C1orf21: variants seen among roughly 807,000 people sequenced by gnomAD.
C1orf21 encodes the protein chromosome 1 open reading frame 21, also known as uncharacterized protein C1orf21.
C1orf21 carries 3 observed loss-of-function variants against 18.7 expected under a neutral mutation model. The ratio of observed to expected loss-of-function variants is 0.16; its 90% confidence interval spans 0.07 to 0.42. The LOEUF (loss-of-function observed/expected upper bound fraction) is 0.42. C1orf21 is among the 10% of genes least tolerant of loss of function. The pLI is 0.99. For synonymous variants in C1orf21, 41 were observed against 46.4 expected (o/e 0.88, Z 0.47); for missense variants, 104 against 143.6 (o/e 0.72, Z 1.41).
chr1:184,573,402 C>T (rs560528148), intron 3 of C1orf21, among the ~76,000 whole-genome samples: 24 of 152,286 alleles, frequency 1.6e-4, no homozygotes, highest in Admixed American at 7.2e-4. Context: ...AACATTCCTA[C>T]GCGTGATGTT....
Position 184,532,542 on chromosome 1 carries a change from T to C in C1orf21, c.189+24860T>C, listed in dbSNP as rs1658477917. Among the ~76,000 whole-genome samples the C allele has an allele frequency of 2.6e-5, 4 of 151,984 alleles. No homozygotes were observed. The South Asian group carries it at 8.3e-4, about 32-fold the overall frequency. ...GGAGGATCACTTGAGGCCAGGAGTTTGTGATCAGCCTGGGCAACATAAAAA... is the reference window on the plus strand; with the variant it reads ...GGAGGATCACTTGAGGCCAGGAGTTCGTGATCAGCCTGGGCAACATAAAAA... On this transcript the variant is annotated intron_variant, in intron 3 of 5. Coordinates refer to ENST00000235307, the MANE Select transcript of C1orf21 (RefSeq NM_030806.4).
intron 1 of C1orf21, among the ~76,000 whole-genome samples, chr1:184,475,344 C>T (rs547103948): frequency 6.6e-6 from 1 of 152,122 alleles, no homozygotes; most frequent in African/African-American, 2.4e-5. Context: ...GCCCTGCCCC[C>T]CCATCCCCAC....
intron 1 of C1orf21, among the ~76,000 whole-genome samples, chr1:184,426,923 AGGGGCTGGGT>A (rs1339467240): frequency 3.3e-5 from 5 of 152,188 alleles, no homozygotes; most frequent in African/African-American, 1.2e-4. Context: ...TCCTGTGTGC[AGGGGCTGGGT>A]ACTTAGGAGA....
intron 1 of C1orf21, among the ~76,000 whole-genome samples, chr1:184,404,328 A>G (rs1021287163): frequency 6.6e-6 from 1 of 152,144 alleles, no homozygotes; most frequent in Admixed American, 6.5e-5. Context: ...AACAACTGAG[A>G]CTGGGTAATT....
rs1202222144 is a variant in C1orf21, at chr1:184,609,150, C to T, written c.328-10368C>T. Among the ~76,000 whole-genome samples, 3 of 152,174 alleles carry T rather than the reference C, an allele frequency of 2.0e-5. No homozygotes were observed. In the East Asian group the frequency reaches 5.8e-4, roughly 29 times the overall value. Reference sequence around the variant, plus strand: ...CCTCACCTCTCCCTCTCCAGAGGCCCAGCCCATGGAACAGTGAAGGGGCAA... The same window carrying T: ...CCTCACCTCTCCCTCTCCAGAGGCCTAGCCCATGGAACAGTGAAGGGGCAA... On this transcript the variant is annotated intron_variant, in intron 5 of 5. Transcript: ENST00000235307.
intron 3 of C1orf21, among the ~76,000 whole-genome samples, chr1:184,516,680 G>T (rs1487435487): frequency 6.6e-6 from 1 of 152,190 alleles, no homozygotes; most frequent in Non-Finnish European, 1.5e-5. Context: ...ATCAGATCTT[G>T]TGAGACTTAT....
chr1:184,457,371 G>A (rs923634690), intron 1 of C1orf21, among the ~76,000 whole-genome samples: 10 of 152,154 alleles, frequency 6.6e-5, no homozygotes, highest in Admixed American at 1.3e-4. Context: ...TAGCTCTGTC[G>A]TGGAGAAGCA....
intron 2 of C1orf21, among the ~76,000 whole-genome samples, chr1:184,500,634 C>T (rs917386807): frequency 6.6e-6 from 1 of 152,196 alleles, no homozygotes; most frequent in Non-Finnish European, 1.5e-5. Flanking sequence ...GCTGGGAAGT[C>T]ACAAAGCCAG....
chr1:184,392,838 T>C (rs1292758429), intron 1 of C1orf21, among the ~76,000 whole-genome samples: 2 of 148,382 alleles, frequency 1.3e-5, no homozygotes, highest in African/African-American at 5.0e-5. Flanking sequence ...TTTTTTTTTT[T>C]TTTTTCTTGA....
At chr1:184,607,097 C>T (rs1659656678) in intron 5 of C1orf21, among the ~76,000 whole-genome samples, 2 of 152,208 alleles carry the variant, frequency 1.3e-5, no homozygotes, top group Admixed American at 6.5e-5. Flanking sequence ...ATTCTTGGAG[C>T]AGACACTTCT....
At chr1:184,619,430 T>C (rs1010207713) in intron 5 of C1orf21, 88 bp from the exon 6 acceptor site, 1 of 1,395,566 alleles carries the variant, frequency 7.2e-7, no homozygotes, top group Non-Finnish European at 1.0e-6. Context: ...AGGAGACATA[T>C]ATTGAGAGAA....
intron 5 of C1orf21, among the ~76,000 whole-genome samples, chr1:184,618,199 G>A (rs903555750): frequency 3.3e-5 from 5 of 152,228 alleles, no homozygotes; most frequent in Non-Finnish European, 5.9e-5. Flanking sequence ...GTGAGCCACC[G>A]TGTCCAGCCA....
At chr1:184,528,415 T>G (rs1038037051) in intron 3 of C1orf21, among the ~76,000 whole-genome samples, 38 of 152,160 alleles carry the variant, frequency 2.5e-4, no homozygotes, top group African/African-American at 7.7e-4. Flanking sequence ...CACTTTTTTC[T>G]TAGCATTATA....
chr1:184,524,458 T>C (rs896863765), intron 3 of C1orf21, among the ~76,000 whole-genome samples: 3 of 152,150 alleles, frequency 2.0e-5, no homozygotes, highest in African/African-American at 7.2e-5. Flanking sequence ...CATTTGAATT[T>C]GAGCCAAGAT....
At chr1:184,426,123 G>T (rs991441417) in intron 1 of C1orf21, among the ~76,000 whole-genome samples, 2 of 152,234 alleles carry the variant, frequency 1.3e-5, no homozygotes, top group South Asian at 4.1e-4. Flanking sequence ...ATGTGGCCCT[G>T]TGTTAAGCTC....
At chr1:184,460,516 ACCT>A (rs34393218) in intron 1 of C1orf21, among the ~76,000 whole-genome samples, 19,487 of 151,732 alleles carry the variant, frequency 0.13, 1,527 homozygotes, top group East Asian at 0.25. Flanking sequence ...TGGGGTGACT[ACCT>A]CTCTTTCTAA....
intron 1 of C1orf21, among the ~76,000 whole-genome samples, chr1:184,448,363 C>T (rs1055852200): frequency 6.6e-6 from 1 of 152,168 alleles, no homozygotes; most frequent in Non-Finnish European, 1.5e-5. Context: ...GGATTACAGG[C>T]GTGGGCCACC....
At chr1:184,551,668 G>A (rs531611948) in intron 3 of C1orf21, among the ~76,000 whole-genome samples, 1 of 152,166 alleles carries the variant, frequency 6.6e-6, no homozygotes, top group Non-Finnish European at 1.5e-5. Flanking sequence ...TGGCAAGAGG[G>A]TGGATCCATC....
At chr1:184,568,593 C>T in intron 3 of C1orf21, 2 of 326,498 alleles carry the variant, frequency 6.1e-6, no homozygotes, top group Non-Finnish European at 1.2e-5. Flanking sequence ...GCATGTTAAG[C>T]TCTTTTTCCT....
Sources: gnomAD v4.1 joint callset for allele counts (sites outside exome capture counted in the v4.1 genomes callset) on GRCh38, gnomAD v4.1.1 for gene constraint, MANE v1.5 for transcripts, NCBI Gene and HGNC (gene_info 2026-07-23, HGNC 2026-07-21) for gene names.